Variants in TBC1D22B observed in about 807,000 individuals in gnomAD.
TBC1D22B encodes chromosome 6 open reading frame 197.
A neutral mutation model predicts 69.1 loss-of-function variants in TBC1D22B; 32 were observed. The observed-to-expected ratio is 0.46, with a 90% CI of 0.35 to 0.62. The LOEUF (loss-of-function observed/expected upper bound fraction) is 0.62. TBC1D22B is among the 20% of genes least tolerant of loss of function. The pLI is 0.00. For synonymous variants in TBC1D22B, 206 were observed against 229.8 expected (o/e 0.90, Z 0.94); for missense variants, 462 against 630.9 (o/e 0.73, Z 2.87).
intron 8 of TBC1D22B, among the ~76,000 whole-genome samples, chr6:37,312,510 T>A (rs1484093299): frequency 6.6e-6 from 1 of 152,188 alleles, no homozygotes; most frequent in Non-Finnish European, 1.5e-5. Context: ...TCTCCCTATA[T>A]ATGAGTGTGA....
At chr6:37,262,761 C>T (rs146088963) in intron 1 of TBC1D22B, among the ~76,000 whole-genome samples, 1 of 152,298 alleles carries the variant, frequency 6.6e-6, no homozygotes, top group Non-Finnish European at 1.5e-5. Flanking sequence ...ACATCAGTTG[C>T]CAACACGTTT....
At chr6:37,301,883 G>A (rs1242748173) in intron 8 of TBC1D22B, among the ~76,000 whole-genome samples, 1 of 152,070 alleles carries the variant, frequency 6.6e-6, no homozygotes, top group Non-Finnish European at 1.5e-5. Context: ...TCTTTCTCAT[G>A]GAACAGGCCA....
intron 7 of TBC1D22B, among the ~76,000 whole-genome samples, chr6:37,290,527 G>A (rs1313818823): frequency 6.6e-6 from 1 of 152,192 alleles, no homozygotes; most frequent in Non-Finnish European, 1.5e-5. Context: ...TGTCCCCAGT[G>A]TAGGCCTCTG....
chr6:37,315,781 GC>G (rs1183710813), intron 10 of TBC1D22B, among the ~76,000 whole-genome samples: 1 of 152,054 alleles, frequency 6.6e-6, no homozygotes, highest in African/African-American at 2.4e-5. Flanking sequence ...TTGTCATGTT[GC>G]CTAGCCTGGT....
intron 8 of TBC1D22B, among the ~76,000 whole-genome samples, chr6:37,305,618 C>T (rs1039636386): frequency 5.3e-5 from 8 of 151,546 alleles, no homozygotes; most frequent in Non-Finnish European, 1.0e-4. Context: ...CCCGGGTTCA[C>T]GCCATTCTCC....
intron 12 of TBC1D22B, among the ~76,000 whole-genome samples, chr6:37,325,836 A>G (rs1259375501): frequency 3.3e-5 from 5 of 151,918 alleles, no homozygotes; most frequent in African/African-American, 1.2e-4. Context: ...TTTTTAATCC[A>G]CTGGGCAGGG....
chr6:37,291,233 A>G lies in TBC1D22B; in HGVS notation c.868-10A>G, dbSNP rs771782939. On this transcript the variant is annotated splice_polypyrimidine_tract_variant and intron_variant, in intron 7 of 12. Coordinates refer to ENST00000373491, the MANE Select transcript of TBC1D22B (RefSeq NM_017772.4). ...TTTAACACTCGTGTCTTTCTTTCTC[A>G]TTTTCCTAGATCTTTGAAAGAATTC... 1 of 1,594,654 alleles carries G rather than the reference A, an allele frequency of 6.3e-7. No individual in the cohort carries two copies. The highest frequency in any genetic ancestry group is 1.1e-5 in the South Asian group (1 of 90,652).
At chr6:37,268,998 GAATAGTCT>G (rs2113719768) in intron 1 of TBC1D22B, among the ~76,000 whole-genome samples, 1 of 152,196 alleles carries the variant, frequency 6.6e-6, no homozygotes, top group Admixed American at 6.5e-5. Context: ...ATGGTGCTTT[GAATAGTCT>G]TATATATATC....
In TBC1D22B at chr6:37,328,837, C is replaced by T. The variant is rs562920224; in HGVS notation, c.1390-2207C>T. Reference sequence around the variant, plus strand: ...CGCCTCCCAGATTGAAGCAGTTCTCCTGCCTCAGCCTCCCAAGTAGCTGGG... The same window carrying T: ...CGCCTCCCAGATTGAAGCAGTTCTCTTGCCTCAGCCTCCCAAGTAGCTGGG... On this transcript the variant is annotated intron_variant, in intron 12 of 12. Coordinates refer to ENST00000373491, the MANE Select transcript of TBC1D22B (RefSeq NM_017772.4). Among the ~76,000 whole-genome samples the T allele has an allele frequency of 1.1e-4, 17 of 152,226 alleles. 2 individuals carry two copies. In the South Asian group the frequency reaches 3.1e-3, roughly 28 times the overall value.
At chr6:37,304,603 G>A (rs968477426) in intron 8 of TBC1D22B, among the ~76,000 whole-genome samples, 1 of 152,150 alleles carries the variant, frequency 6.6e-6, no homozygotes, top group African/African-American at 2.4e-5. Flanking sequence ...ATAGAAATGA[G>A]AGCAAAGTTT....
At chr6:37,305,666 C>T (rs574787550) in intron 8 of TBC1D22B, among the ~76,000 whole-genome samples, 17 of 152,062 alleles carry the variant, frequency 1.1e-4, no homozygotes, top group Non-Finnish European at 2.4e-4. Context: ...TACAGGCGCC[C>T]GCCACCACGC....
chr6:37,307,077 T>A (rs1376297270), intron 8 of TBC1D22B, among the ~76,000 whole-genome samples: 1 of 152,234 alleles, frequency 6.6e-6, no homozygotes, highest in Admixed American at 6.5e-5. Context: ...CTTACAGGTT[T>A]GCAGTGCTAT....
intron 5 of TBC1D22B, among the ~76,000 whole-genome samples, chr6:37,283,608 C>T (rs912338760): frequency 6.6e-6 from 1 of 152,236 alleles, no homozygotes; most frequent in Non-Finnish European, 1.5e-5. Context: ...CCTGACTGCT[C>T]GCCCCCACCT....
At chr6:37,306,051 A>G (rs1767708653) in intron 8 of TBC1D22B, among the ~76,000 whole-genome samples, 1 of 152,148 alleles carries the variant, frequency 6.6e-6, no homozygotes, top group South Asian at 2.1e-4. Context: ...GTGTGTGGAG[A>G]TAGCCCAGTC....
At chr6:37,264,315 T>A (rs1766202009) in intron 1 of TBC1D22B, among the ~76,000 whole-genome samples, 1 of 151,868 alleles carries the variant, frequency 6.6e-6, no homozygotes, top group Non-Finnish European at 1.5e-5. Context: ...TTTTGTTTGG[T>A]TTTGTTTTGT....
At position 37,331,247 on chromosome 6, in the gene TBC1D22B, C is replaced by A; in HGVS notation, c.*75C>A. The A allele has an allele frequency of 6.6e-7, 1 of 1,504,832 alleles. No homozygotes were observed. The highest frequency in any genetic ancestry group is 9.2e-7 in the Non-Finnish European group (1 of 1,090,162). The allele number at this position is 1,504,832 out of a possible 1,614,324, so 93.2% of individuals were successfully genotyped here. A position where few individuals can be genotyped will look rare whatever the true frequency, so the allele number is the denominator to read the frequency against. On this transcript the variant is annotated 3_prime_UTR_variant, in exon 13 of 13. Transcript: ENST00000373491. ...TGATCACTGTGGCCACTGTGCGAGC[C>A]GTGGACCCCGGCCAGGAACCACTCC...
At chr6:37,269,435 C>T (rs116093002) in intron 1 of TBC1D22B, among the ~76,000 whole-genome samples, 159 bp from the exon 2 acceptor site, 11 of 152,228 alleles carry the variant, frequency 7.2e-5, no homozygotes, top group Admixed American at 1.3e-4. Flanking sequence ...ATTTTTTTAA[C>T]GGGTAGATTG....
intron 2 of TBC1D22B, among the ~76,000 whole-genome samples, chr6:37,275,186 T>C (rs1766629495): frequency 1.3e-5 from 2 of 152,214 alleles, no homozygotes; most frequent in South Asian, 4.1e-4. Flanking sequence ...CAGCTGGAGT[T>C]ACCTGGATTA....
At chr6:37,280,804 C>T (rs1265604486) in intron 3 of TBC1D22B, among the ~76,000 whole-genome samples, 3 of 152,190 alleles carry the variant, frequency 2.0e-5, no homozygotes, top group Non-Finnish European at 2.9e-5. Flanking sequence ...CCCCTTGTTA[C>T]ACTAGGCGTC....
Sources: gnomAD v4.1 joint callset for allele counts (sites outside exome capture counted in the v4.1 genomes callset) on GRCh38, gnomAD v4.1.1 for gene constraint, MANE v1.5 for transcripts, NCBI Gene and HGNC (gene_info 2026-07-23, HGNC 2026-07-21) for gene names.